Variants in NT5C1A observed in about 807,000 individuals in gnomAD.
NT5C1A encodes 5'-nucleotidase, cytosolic IA.
In NT5C1A, 18 loss-of-function variants were observed where a neutral mutation model predicts 31.0. The observed-to-expected ratio is 0.58, with a 90% CI of 0.40 to 0.86. The LOEUF (loss-of-function observed/expected upper bound fraction) is 0.86, where lower values mean the gene tolerates loss of function less well. Ranked by LOEUF, NT5C1A falls within the 40% of genes least tolerant of loss-of-function variation. The pLI is 0.00. For synonymous variants in NT5C1A, 185 were observed against 203.6 expected, an observed-to-expected ratio of 0.91 and a Z score of 0.78; for missense variants, 470 against 505.4, an observed-to-expected ratio of 0.93 and a Z score of 0.67.
intron 1 of NT5C1A, 50 bp from the exon 2 acceptor site, chr1:39,666,286 G>T: frequency 2.5e-5 from 39 of 1,583,114 alleles, no homozygotes; most frequent in Non-Finnish European, 3.4e-5. Flanking sequence ...TGCCCCTGAG[G>T]CAGGCTCACA....
intron 1 of NT5C1A, among the ~76,000 whole-genome samples, chr1:39,667,770 A>G (rs1025981985): frequency 1.1e-4 from 17 of 152,370 alleles, no homozygotes; most frequent in Admixed American, 8.5e-4. Flanking sequence ...GCAATGTCCA[A>G]TGGAACTTTC....
chr1:39,671,041 G>A (rs1646548153), intron 1 of NT5C1A, among the ~76,000 whole-genome samples: 1 of 152,164 alleles, frequency 6.6e-6, no homozygotes, highest in South Asian at 2.1e-4. Context: ...AGGGTTCTTG[G>A]AGGGAAGCAG....
rs566142362 is a variant in NT5C1A at position 39,655,794 on chromosome 1, A to T, written c.*3327T>A. Among the ~76,000 whole-genome samples, 1 of 151,034 alleles carries T rather than the reference A, an allele frequency of 6.6e-6. No homozygotes were observed. Among genetic ancestry groups the T allele is most frequent in the Non-Finnish European group, 1.5e-5 (1 of 67,788 alleles). ...TGGGAAAATGGAGCGCTCACAGTGG[A>T]AAGGTCAGCTGAGGCCACGAGGAGA... On this transcript the variant is annotated 3_prime_UTR_variant, in exon 6 of 6. Transcript: ENST00000235628.
intron 3 of NT5C1A, among the ~76,000 whole-genome samples, chr1:39,664,516 T>TGCTCTGCTCTCCTC (rs1570459745): frequency 1.3e-4 from 1 of 7,476 alleles, no homozygotes; most frequent in Non-Finnish European, 2.5e-4. Flanking sequence ...CTCCTCTCCT[T>TGCTCTGCTCTCCTC]TCCATCTCAC....
chr1:39,667,328 A>G (rs1353809756), intron 1 of NT5C1A, among the ~76,000 whole-genome samples: 1 of 151,464 alleles, frequency 6.6e-6, no homozygotes, highest in African/African-American at 2.4e-5. Flanking sequence ...CAGCCTCCCA[A>G]GTAGCTGGGA....
intron 2 of NT5C1A, 102 bp downstream of exon 2, chr1:39,665,967 G>A: frequency 9.0e-7 from 1 of 1,114,696 alleles, no homozygotes. Context: ...GGTTACATCT[G>A]CCCAGAGGGG....
In NT5C1A at chr1:39,663,405, C is replaced by T; in HGVS notation, c.463G>A (p.Gly155Ser). 1 of 1,614,108 alleles carries T rather than the reference C, an allele frequency of 6.2e-7. No individual in the cohort carries two copies. ...AGGTAGCAGATCGGGCTGTTCCCAC[C>T]TGTCATGCAGAACCTCTCGATGAAC... ...DLFIERFCMT[G>S]GNSPICYLKA... The change falls in exon 4 of 6, where the codon GGT becomes AGT. Residue 155 changes from glycine to serine, a missense_variant. By Grantham distance (56) the Gly-to-Ser change is moderately conservative. Transcript: ENST00000235628.
chr1:39,663,275 T>G, intron 4 of NT5C1A, 37 bp downstream of exon 4: 3 of 1,613,540 alleles, frequency 1.9e-6, no homozygotes, highest in Non-Finnish European at 2.5e-6. Context: ...ACCCCTTTGC[T>G]GCACTCCCCA....
At chr1:39,671,248 C>T (rs988831832) in intron 1 of NT5C1A, among the ~76,000 whole-genome samples, 19 of 152,176 alleles carry the variant, frequency 1.2e-4, no homozygotes, top group Non-Finnish European at 8.8e-5. Context: ...TTGACACCAC[C>T]ACAGGGTCGT....
chr1:39,656,067 T>C lies in NT5C1A; in HGVS notation c.*3054A>G, dbSNP rs1246150846. 2.1e-5 allele frequency among the ~76,000 whole-genome samples: 3 copies of C among 140,886 alleles called. No individual in the cohort carries two copies. The highest frequency in any genetic ancestry group is 4.9e-5 in the Non-Finnish European group (3 of 61,680). 92.4% of individuals were successfully genotyped at this position (140,886 alleles called of 152,430 possible). A position where few individuals can be genotyped will look rare whatever the true frequency, so the allele number is the denominator to read the frequency against. ...CAACTGGCTGAGCAGTCTCAGTGCT[T>C]AGTAACAGGGCTTCCATTTTTCTGC... On this transcript the variant is annotated 3_prime_UTR_variant, in exon 6 of 6. Coordinates refer to ENST00000235628, the MANE Select transcript of NT5C1A (RefSeq NM_032526.3).
chr1:39,664,473 C>T, intron 3 of NT5C1A, among the ~76,000 whole-genome samples: 1 of 29,744 alleles, frequency 3.4e-5, no homozygotes, highest in African/African-American at 1.3e-4. Flanking sequence ...GTCTCTCTCT[C>T]CCCAGAGTGG....
chr1:39,660,348 C>A (rs1442641543), intron 5 of NT5C1A, among the ~76,000 whole-genome samples: 1 of 152,200 alleles, frequency 6.6e-6, no homozygotes, highest in South Asian at 2.1e-4. Context: ...CAAATAAGAG[C>A]TCCCAGCAGA....
chr1:39,668,124 C>T (rs994454845), intron 1 of NT5C1A, among the ~76,000 whole-genome samples: 2 of 152,220 alleles, frequency 1.3e-5, no homozygotes, highest in African/African-American at 4.8e-5. Flanking sequence ...CTGACTACCA[C>T]CATGTGTGTG....
chr1:39,660,850 T>C (rs1646489442), intron 5 of NT5C1A, among the ~76,000 whole-genome samples: 2 of 151,686 alleles, frequency 1.3e-5, no homozygotes, highest in South Asian at 2.1e-4. Context: ...AGATAGAGAA[T>C]GGAGGCTTCA....
chr1:39,658,972 A>G lies in NT5C1A; in HGVS notation c.*149T>C, dbSNP rs887079640. 1 of 1,145,140 alleles carries G rather than the reference A, an allele frequency of 8.7e-7. No individual in the cohort carries two copies. The highest frequency in any genetic ancestry group is 1.2e-6 in the Non-Finnish European group (1 of 819,824). The allele number at this position is 1,145,140 out of a possible 1,614,324, so 70.9% of individuals were successfully genotyped here. A position where few individuals can be genotyped will look rare whatever the true frequency, so the allele number is the denominator to read the frequency against. On this transcript the variant is annotated 3_prime_UTR_variant, in exon 6 of 6. Coordinates refer to ENST00000235628, the MANE Select transcript of NT5C1A (RefSeq NM_032526.3). ...TGTTGAGAATGCCAGACCCGTCTGCATAATTTCCTACAAGTACATCACTCA... is the reference window on the plus strand; with the variant it reads ...TGTTGAGAATGCCAGACCCGTCTGCGTAATTTCCTACAAGTACATCACTCA...
rs1189260609 is a variant in NT5C1A at position 39,655,757 on chromosome 1, G to C, written c.*3364C>G. Among the ~76,000 whole-genome samples, 2 of 151,728 alleles carry C rather than the reference G, an allele frequency of 1.3e-5. No homozygotes were observed. The highest frequency in any genetic ancestry group is 2.1e-4 in the South Asian group (1 of 4,738). On this transcript the variant is annotated 3_prime_UTR_variant, in exon 6 of 6. Coordinates refer to ENST00000235628, the MANE Select transcript of NT5C1A (RefSeq NM_032526.3). The stretch of plus-strand genomic sequence containing the variant: ...GCCATAGTGCCGCTGCAGCCTCCTA[G>C]AGGCTGCATTGTGGGAAAATGGAGC...
chr1:39,664,197 A>T (rs1646506027), intron 3 of NT5C1A, among the ~76,000 whole-genome samples: 1 of 151,286 alleles, frequency 6.6e-6, no homozygotes, highest in Non-Finnish European at 1.5e-5. Context: ...TCTGTCGCCC[A>T]GGCTGGAGTG....
intron 3 of NT5C1A, among the ~76,000 whole-genome samples, chr1:39,664,492 T>TCCCCTCCTCC (rs368000387): frequency 1.7e-3 from 1 of 606 alleles, no homozygotes; most frequent in Non-Finnish European, 3.3e-3. Context: ...GGATTTCTCC[T>TCCCCTCCTCC]CCTCTCCTCT....
chr1:39,657,609 G>T lies in NT5C1A; in HGVS notation c.*1512C>A, dbSNP rs911265364. 1.3e-5 allele frequency among the ~76,000 whole-genome samples: 2 copies of T among 152,218 alleles called. No individual in the cohort carries two copies. The highest frequency in any genetic ancestry group is 2.4e-5 in the African/African-American group (1 of 41,446). On this transcript the variant is annotated 3_prime_UTR_variant, in exon 6 of 6. Coordinates refer to ENST00000235628, the MANE Select transcript of NT5C1A (RefSeq NM_032526.3). ...TCCACCCTCCCTCTGGAGAGAGCCAGGGATGCTCAGCAAAGGAGGAGGCTG... is the reference window on the plus strand; with the variant it reads ...TCCACCCTCCCTCTGGAGAGAGCCATGGATGCTCAGCAAAGGAGGAGGCTG...
Sources: allele counts gnomAD v4.1 joint callset (sites outside exome capture counted in the v4.1 genomes callset), GRCh38; gene constraint gnomAD v4.1.1; transcripts MANE v1.5; gene names NCBI Gene and HGNC (gene_info 2026-07-23, HGNC 2026-07-21).